Variants in CCDC66 observed in about 807,000 individuals in gnomAD.
The protein encoded by CCDC66 is coiled-coil domain containing 66.
Under a neutral mutation model 128.3 loss-of-function variants are expected in CCDC66, and 133 were observed. That is an observed-to-expected ratio of 1.04 (90% CI 0.90 to 1.20). The LOEUF is 1.20. Among genes scored for constraint, CCDC66 ranks in the 50% most tolerant of loss-of-function variants. CCDC66 has a pLI of 0.00. For missense variants in CCDC66, 1,126 were observed against 1,075.5 expected, an observed-to-expected ratio of 1.05 and a Z score of -0.66; for synonymous variants, 387 against 357.0, an observed-to-expected ratio of 1.08 and a Z score of -0.95.
chr3:56,566,700 T>G lies in CCDC66; in HGVS notation c.651T>G (p.Asn217Lys). The G allele has an allele frequency of 6.2e-7, 1 of 1,613,906 alleles. No homozygotes were observed. The highest frequency in any genetic ancestry group is 8.5e-7 in the Non-Finnish European group (1 of 1,179,878). Residue 217 changes from asparagine to lysine, a missense_variant, in exon 5 of 18, where the codon AAT becomes AAG. By Grantham distance (94) the Asn-to-Lys change is moderately conservative (BLOSUM62 0). Transcript: ENST00000394672. ...TEMVSSVPAENKSVLNEHQET... is the reference protein window; with the variant it reads ...TEMVSSVPAEKKSVLNEHQET... ...TGGTTTCATCTGTCCCAGCTGAAAA[T>G]AAATCTGTCTTAAATGAACATCAGG...
intron 15 of CCDC66, 89 bp downstream of exon 15, chr3:56,618,301 G>A (rs2075789201): frequency 1.7e-6 from 2 of 1,144,806 alleles, no homozygotes; most frequent in Non-Finnish European, 2.6e-6. Flanking sequence ...GCATCATATG[G>A]TATATGTAGA....
chr3:56,601,696 G>T (rs1053663744), intron 10 of CCDC66, among the ~76,000 whole-genome samples: 2 of 151,990 alleles, frequency 1.3e-5, no homozygotes, highest in African/African-American at 2.4e-5. Flanking sequence ...CACGTCCCTT[G>T]TAAGTTGTAT....
Position 56,619,314 on chromosome 3 carries a change from C to A in CCDC66, c.2422C>A (p.Gln808Lys), listed in dbSNP as rs774204371. Residue 808 changes from glutamine (Q) to lysine (K), a missense_variant, in exon 16 of 18, where the codon CAA becomes AAA. Physicochemically the swap from Gln to Lys is moderately conservative, Grantham distance 53. Coordinates refer to ENST00000394672, the MANE Select transcript of CCDC66 (RefSeq NM_001141947.3). ...TCCAGTAGTGAAAAACAGAACCCAA[C>A]AAACTCAAAATACATTACATTTACC... is the stretch of plus-strand genomic sequence containing the variant. ...PVPVVKNRTQ[Q>K]TQNTLHLPLK... The A allele has an allele frequency of 1.2e-6, 2 of 1,612,160 alleles. No individual in the cohort carries two copies. Among genetic ancestry groups the A allele is most frequent in the Admixed American group, 3.3e-5 (2 of 59,750 alleles).
At position 56,573,292 on chromosome 3, in the gene CCDC66, A is replaced by T. The variant is rs532922565; in HGVS notation, c.936+1990A>T. 1.3e-4 allele frequency among the ~76,000 whole-genome samples: 20 copies of T among 152,280 alleles called. No individual in the cohort carries two copies. In the South Asian group the frequency reaches 4.1e-3, roughly 32 times the overall value. ...AATGATAGTATTTGTCAGTTGATGA[A>T]ATGACGAGGCTCATGAATTTGGAAA... On this transcript the variant is annotated intron_variant, in intron 7 of 17. Transcript: ENST00000394672.
At chr3:56,593,895 G>C (rs897723511) in intron 9 of CCDC66, 49 bp from the exon 10 acceptor site, 6 of 1,598,290 alleles carry the variant, frequency 3.8e-6, no homozygotes, top group Non-Finnish European at 5.1e-6. Context: ...TTAGCTTGTT[G>C]AATCTACCTT....
At chr3:56,621,158 CCAAAAAAAAACAAAACAACAA>C (rs2076500793) in intron 17 of CCDC66, 1 of 111,726 alleles carries the variant, frequency 9.0e-6, no homozygotes, top group South Asian at 4.6e-4. Context: ...GACTCCATCT[CCAAAAAAAAACAAAACAACAA>C]CAACAAAAAA....
intron 7 of CCDC66, among the ~76,000 whole-genome samples, chr3:56,580,555 TC>T (rs1383200444): frequency 5.3e-5 from 8 of 151,854 alleles, no homozygotes; most frequent in East Asian, 2.0e-4. Flanking sequence ...TACCGGTTGT[TC>T]CTTTCCATGT....
At position 56,593,563 on chromosome 3, in the gene CCDC66, T is replaced by G; in HGVS notation, c.1141T>G (p.Phe381Val). The change falls in exon 9 of 18, where the codon TTC becomes GTC. Residue 381 changes from phenylalanine (F) to valine (V), a missense_variant. Physicochemically the swap from Phe to Val is conservative, Grantham distance 50 (BLOSUM62 -1). Transcript: ENST00000394672. Reference protein sequence around the residue: ...KSYPGSQSQLFSQSTHKQPEY... With the variant: ...KSYPGSQSQLVSQSTHKQPEY... The stretch of plus-strand genomic sequence containing the variant: ...TTATCCTGGTTCTCAATCTCAGCTG[T>G]TCTCTCAGTCAACACACAAACAACC... 1 of 1,613,828 alleles carries G rather than the reference T, an allele frequency of 6.2e-7. No individual in the cohort carries two copies. Among genetic ancestry groups the G allele is most frequent in the Non-Finnish European group, 8.5e-7 (1 of 1,179,728 alleles).
Position 56,584,428 on chromosome 3 carries a change from C to T in CCDC66, c.937-8542C>T, listed in dbSNP as rs546373530. Among the ~76,000 whole-genome samples, 46 of 150,582 alleles carry T rather than the reference C, an allele frequency of 3.1e-4. 2 individuals are homozygous for T. In the South Asian group the frequency reaches 5.5e-3, roughly 18 times the overall value. ...TCACTTCTCAGACGGGGCGGCCAGG[C>T]GGAGACGCTCCTCACCTCCCAGACG... is the stretch of plus-strand genomic sequence containing the variant. On this transcript the variant is annotated intron_variant, in intron 7 of 17. Coordinates refer to ENST00000394672, the MANE Select transcript of CCDC66 (RefSeq NM_001141947.3).
At chr3:56,599,105 G>C (rs982246781) in intron 10 of CCDC66, among the ~76,000 whole-genome samples, 1 of 151,890 alleles carries the variant, frequency 6.6e-6, no homozygotes, top group Non-Finnish European at 1.5e-5. Flanking sequence ...ACTCATTACT[G>C]GTCTGTTCAG....
At position 56,618,198 on chromosome 3, in the gene CCDC66, A is replaced by G; in HGVS notation, c.2364A>G (p.Ser788=). The G allele has an allele frequency of 1.2e-6, 2 of 1,613,296 alleles. No homozygotes were observed. Among genetic ancestry groups the G allele is most frequent in the Non-Finnish European group, 1.7e-6 (2 of 1,179,264 alleles). ...AAGAAGAGCCTCTGAATATTCATTC[A>G]TTCAGCAAGGAAAGGTAAGTATGCA... The part of the protein sequence containing the change: ...KKEEEPLNIH[S]FSKERSPSSP... Residue 788 remains serine, a synonymous_variant, in exon 15 of 18, where the codon TCA becomes TCG. Coordinates refer to ENST00000394672, the MANE Select transcript of CCDC66 (RefSeq NM_001141947.3).
At chr3:56,611,860 G>T (rs999707520) in intron 10 of CCDC66, among the ~76,000 whole-genome samples, 1 of 152,228 alleles carries the variant, frequency 6.6e-6, no homozygotes, top group African/African-American at 2.4e-5. Context: ...AGCTTCTCCA[G>T]TGGGGGTGTG....
At chr3:56,600,610 G>T (rs1415737760) in intron 10 of CCDC66, among the ~76,000 whole-genome samples, 4 of 151,966 alleles carry the variant, frequency 2.6e-5, no homozygotes, top group Non-Finnish European at 5.9e-5. Context: ...GTGTAAAAGC[G>T]TTCCTATTTC....
chr3:56,598,412 A>G lies in CCDC66; in HGVS notation c.1404+4384A>G, dbSNP rs190684191. On this transcript the variant is annotated intron_variant, in intron 10 of 17. Coordinates refer to ENST00000394672, the MANE Select transcript of CCDC66 (RefSeq NM_001141947.3). Reference sequence around the variant, plus strand: ...TTTCTAATTTAGGTGCCTTTTATTTATCTTGCCTGGTTGCTCTGGCTAGGA... The same window carrying G: ...TTTCTAATTTAGGTGCCTTTTATTTGTCTTGCCTGGTTGCTCTGGCTAGGA... 1.5e-3 allele frequency among the ~76,000 whole-genome samples: 231 copies of G among 151,364 alleles called. 4 individuals are homozygous for G. The highest frequency in any genetic ancestry group is 5.4e-3 in the African/African-American group (223 of 41,188).
intron 10 of CCDC66, among the ~76,000 whole-genome samples, chr3:56,608,823 C>T (rs7629559): frequency 0.32 from 49,106 of 151,922 alleles, 8,409 homozygotes; most frequent in East Asian, 0.49. Flanking sequence ...TCGTTCAGTT[C>T]AAAGAATTTT....
chr3:56,621,476 C>A, intron 17 of CCDC66, 56 bp from the exon 18 acceptor site: 1 of 1,090,368 alleles, frequency 9.2e-7, no homozygotes, highest in East Asian at 2.5e-5. Context: ...TTTAACACAA[C>A]ATTGCAAGTC....
chr3:56,595,855 G>C (rs887641376), intron 10 of CCDC66, among the ~76,000 whole-genome samples: 10 of 152,266 alleles, frequency 6.6e-5, no homozygotes, highest in African/African-American at 2.4e-4. Context: ...CAATGTATAA[G>C]GATTCCCTTT....
intron 9 of CCDC66, 45 bp downstream of exon 9, chr3:56,593,786 G>A: frequency 6.3e-7 from 1 of 1,599,144 alleles, no homozygotes; most frequent in Non-Finnish European, 8.6e-7. Flanking sequence ...GAAAGTCTGT[G>A]TGCTTTAGTA....
chr3:56,613,549 TTTA>T (rs759622945), intron 10 of CCDC66, 37 bp from the exon 11 acceptor site: 19 of 1,595,616 alleles, frequency 1.2e-5, no homozygotes, highest in African/African-American at 2.7e-5. Context: ...TGCTTAGATT[TTTA>T]TTTTTGACAA....
Sources: allele counts gnomAD v4.1 joint callset (sites outside exome capture counted in the v4.1 genomes callset), GRCh38; gene constraint gnomAD v4.1.1; transcripts MANE v1.5; gene names NCBI Gene and HGNC (gene_info 2026-07-23, HGNC 2026-07-21).